Variants in HNRNPA2B1 observed in about 807,000 individuals in gnomAD.
HNRNPA2B1 encodes the protein heterogeneous nuclear ribonucleoproteins A2/B1.
In HNRNPA2B1, 3 loss-of-function variants were observed where a neutral mutation model predicts 46.3. The observed-to-expected ratio is 0.06, with a 90% CI of 0.03 to 0.17. HNRNPA2B1 has a LOEUF of 0.17. Among genes scored for constraint, HNRNPA2B1 ranks in the 10% least tolerant of loss-of-function variants. The pLI is 1.00. For synonymous variants in HNRNPA2B1, 225 were observed against 133.8 expected (o/e 1.68, Z -4.70); for missense variants, 221 against 418.9 (o/e 0.53, Z 4.12).
At chr7:26,192,678 A>G in intron 9 of HNRNPA2B1, 101 bp from the exon 10 acceptor site, 1 of 956,200 alleles carries the variant, frequency 1.0e-6, no homozygotes, top group Admixed American at 1.8e-5. Flanking sequence ...CCAGTCTTTT[A>G]AACAAGCAGA....
intron 3 of HNRNPA2B1, 30 bp from the exon 4 acceptor site, chr7:26,197,047 A>G (rs968980598): frequency 9.2e-6 from 14 of 1,518,468 alleles, no homozygotes; most frequent in African/African-American, 1.4e-5. Flanking sequence ...AAAGTCATCC[A>G]AACAGAAAAA....
chr7:26,195,571 C>T (rs1783484135), intron 7 of HNRNPA2B1: 5 of 367,636 alleles, frequency 1.4e-5, no homozygotes, highest in South Asian at 1.2e-4. Flanking sequence ...CAGAGAAGCA[C>T]GTACAAAGAT....
intron 1 of HNRNPA2B1, chr7:26,199,083 T>G (rs909427760): frequency 3.3e-5 from 5 of 152,378 alleles, no homozygotes; most frequent in African/African-American, 1.2e-4. Flanking sequence ...TTTTTATTCT[T>G]AATTGTCGTC....
intron 4 of HNRNPA2B1, 63 bp downstream of exon 4, chr7:26,196,744 T>C (rs1380350577): frequency 2.9e-5 from 45 of 1,564,952 alleles, no homozygotes; most frequent in Non-Finnish European, 3.8e-5. Flanking sequence ...AAGTTACAGA[T>C]GTTAACATAC....
At chr7:26,193,137 AC>A in intron 9 of HNRNPA2B1, 113 bp downstream of exon 9, 1 of 1,009,360 alleles carries the variant, frequency 9.9e-7, no homozygotes, top group Non-Finnish European at 1.5e-6. Flanking sequence ...CTAAGACCGT[AC>A]ATGGAGCACT....
Position 26,200,725 on chromosome 7 carries a change from G to T in HNRNPA2B1, c.-148C>A, listed in dbSNP as rs566739502. The T allele has an allele frequency of 1.0e-6, 1 of 984,252 alleles. No homozygotes were observed. The highest frequency in any genetic ancestry group is 1.6e-6 in the Non-Finnish European group (1 of 625,422). The allele number at this position is 984,252 out of a possible 1,614,324, so 61.0% of individuals were successfully genotyped here. On this transcript the variant is annotated 5_prime_UTR_variant, in exon 1 of 11. Coordinates refer to ENST00000618183, the MANE Select transcript of HNRNPA2B1 (RefSeq NM_002137.4). The stretch of plus-strand genomic sequence containing the variant: ...AACTCTGCGAGGAGCACCTCCGCAC[G>T]GGACCCGGCGCTGCTGCTACTGCCG...
chr7:26,200,714 C>A lies in HNRNPA2B1; in HGVS notation c.-137G>T, dbSNP rs1004869873. ...GCTCGAGAAACAACTCTGCGAGGAG[C>A]ACCTCCGCACGGGACCCGGCGCTGC... is the stretch of plus-strand genomic sequence containing the variant. On this transcript the variant is annotated 5_prime_UTR_variant, in exon 1 of 11. Transcript: ENST00000618183. The A allele has an allele frequency of 1.5e-4, 162 of 1,091,484 alleles. No homozygotes were observed. Among genetic ancestry groups the A allele is most frequent in the South Asian group, 2.1e-4 (17 of 80,356 alleles). The allele number at this position is 1,091,484 out of a possible 1,614,324, so 67.6% of individuals were successfully genotyped here. A position where few individuals can be genotyped will look rare whatever the true frequency, so the allele number is the denominator to read the frequency against.
intron 9 of HNRNPA2B1, 45 bp downstream of exon 9, chr7:26,193,206 C>T (rs372365068): frequency 5.1e-6 from 8 of 1,582,580 alleles, no homozygotes; most frequent in Non-Finnish European, 6.9e-6. Context: ...AAAGGCTAAT[C>T]CTTTAATCAC....
Position 26,197,612 on chromosome 7 carries a change from AT to A in HNRNPA2B1, c.117+9del. 4 of 1,599,518 alleles carry A rather than the reference AT, an allele frequency of 2.5e-6. No individual in the cohort carries two copies. The highest frequency in any genetic ancestry group is 3.4e-6 in the Non-Finnish European group (4 of 1,167,546). Reference sequence around the variant, plus strand: ...ACTAATATCCAGTAACAATTCAGTAATTTACATACCACACAGTCTGTAAGCT... The same window carrying A: ...ACTAATATCCAGTAACAATTCAGTAATTACATACCACACAGTCTGTAAGCT... On this transcript the variant is annotated intron_variant, in intron 2 of 10. Coordinates refer to ENST00000618183, the MANE Select transcript of HNRNPA2B1 (RefSeq NM_002137.4).
In HNRNPA2B1 at chr7:26,196,498, A is replaced by C. The variant is rs776515018; in HGVS notation, c.578-17T>G. 6.2e-6 allele frequency: 10 copies of C among 1,613,956 alleles called. No homozygotes were observed. The highest frequency in any genetic ancestry group is 6.8e-6 in the Non-Finnish European group (8 of 1,179,838). On this transcript the variant is annotated splice_polypyrimidine_tract_variant and intron_variant, in intron 5 of 10. Coordinates refer to ENST00000618183, the MANE Select transcript of HNRNPA2B1 (RefSeq NM_002137.4). Reference sequence around the variant, plus strand: ...CAAAGTTGCCTACAATAAATGCCCCAGTTAGAAGCAAGCCCTTATATATGA... The same window carrying C: ...CAAAGTTGCCTACAATAAATGCCCCCGTTAGAAGCAAGCCCTTATATATGA...
chr7:26,200,402 T>G (rs537408192), intron 1 of HNRNPA2B1, 170 bp downstream of exon 1: 391 of 722,554 alleles, frequency 5.4e-4, no homozygotes, highest in Non-Finnish European at 8.5e-4. Flanking sequence ...AAGCTGTTTG[T>G]ACGCTCAGGC....
chr7:26,193,854 A>G (rs990067815), intron 7 of HNRNPA2B1, among the ~76,000 whole-genome samples, 160 bp from the exon 8 acceptor site: 2 of 152,226 alleles, frequency 1.3e-5, no homozygotes, highest in African/African-American at 4.8e-5. Context: ...CTTGGTAAAC[A>G]TTTGGTGGCT....
intron 2 of HNRNPA2B1, 65 bp from the exon 3 acceptor site, chr7:26,197,526 A>G (rs1783782402): frequency 1.8e-5 from 29 of 1,581,422 alleles, no homozygotes; most frequent in South Asian, 3.4e-5. Context: ...AAGTCATAAT[A>G]GAATTTTTTA....
At chr7:26,192,468 T>C (rs1168544278) in intron 10 of HNRNPA2B1, 27 bp downstream of exon 10, 1 of 1,447,188 alleles carries the variant, frequency 6.9e-7, no homozygotes, top group African/African-American at 1.4e-5. Flanking sequence ...AAGATAATAA[T>C]AATTGTAAAA....
chr7:26,199,726 T>C (rs1009433658), intron 1 of HNRNPA2B1: 3 of 152,092 alleles, frequency 2.0e-5, no homozygotes, highest in Non-Finnish European at 4.4e-5. Context: ...TTTTACTGAC[T>C]GCAGACCCAG....
intron 3 of HNRNPA2B1, 125 bp downstream of exon 3, chr7:26,197,190 G>GA: frequency 3.1e-6 from 4 of 1,273,526 alleles, no homozygotes; most frequent in South Asian, 1.5e-5. Context: ...AAATGGTCCA[G>GA]AAACCCAACA....
intron 1 of HNRNPA2B1, chr7:26,199,047 A>G (rs1784028527): frequency 6.6e-6 from 1 of 152,240 alleles, no homozygotes; most frequent in South Asian, 2.1e-4. Flanking sequence ...ACTTGTCACG[A>G]TAGTTATTTT....
Position 26,196,433 on chromosome 7 carries a change from G to A in HNRNPA2B1, c.626C>T (p.Pro209Leu). 1 of 1,613,996 alleles carries A rather than the reference G, an allele frequency of 6.2e-7. No individual in the cohort carries two copies. Among genetic ancestry groups the A allele is most frequent in the Non-Finnish European group, 8.5e-7 (1 of 1,179,968 alleles). ...DSRGGGGNFG[P>L]GPGSNFRGGS... ...TCCTCTAAAGTTACTTCCTGGTCCT[G>A]GTCCGAAATTTCCACCGCCACCACG... Residue 209 changes from proline (P) to leucine (L), a missense_variant, in exon 6 of 11, where the codon CCA (proline) becomes CTA (leucine). By Grantham distance (98) the Pro-to-Leu change is moderately conservative. Coordinates refer to ENST00000618183, the MANE Select transcript of HNRNPA2B1 (RefSeq NM_002137.4).
intron 4 of HNRNPA2B1, 21 bp from the exon 5 acceptor site, chr7:26,196,679 T>G: frequency 6.3e-7 from 1 of 1,595,878 alleles, no homozygotes; most frequent in Non-Finnish European, 8.6e-7. Context: ...AAATTCAGAC[T>G]CCTTTTAAAT....
Sources: allele counts gnomAD v4.1 joint callset (sites outside exome capture counted in the v4.1 genomes callset), GRCh38; gene constraint gnomAD v4.1.1; transcripts MANE v1.5; gene names NCBI Gene and HGNC (gene_info 2026-07-23, HGNC 2026-07-21).